B3GALT2: variants seen among roughly 807,000 people sequenced by gnomAD.
B3GALT2 encodes the protein beta-1,3-galactosyltransferase 2.
A neutral mutation model predicts 33.5 loss-of-function variants in B3GALT2; 13 were observed. The observed-to-expected ratio is 0.39, with a 90% CI of 0.25 to 0.62. The LOEUF (loss-of-function observed/expected upper bound fraction) is 0.62, where lower values mean the gene tolerates loss of function less well. B3GALT2 is among the 20% of genes least tolerant of loss of function. The pLI is 0.53. For synonymous variants in B3GALT2, 195 were observed against 172.7 expected, an observed-to-expected ratio of 1.13 and a Z score of -1.01; for missense variants, 418 against 509.1, an observed-to-expected ratio of 0.82 and a Z score of 1.72.
intron 1 of B3GALT2, among the ~76,000 whole-genome samples, chr1:193,183,172 A>G (rs767823125): frequency 6.6e-6 from 1 of 151,714 alleles, no homozygotes; most frequent in Non-Finnish European, 1.5e-5. Context: ...GAAAATATTG[A>G]TTGAAAGTGT....
At chr1:193,182,943 T>TA (rs1252951209) in intron 1 of B3GALT2, among the ~76,000 whole-genome samples, 2 of 152,040 alleles carry the variant, frequency 1.3e-5, no homozygotes, top group Non-Finnish European at 2.9e-5. Context: ...AGAAATCAAT[T>TA]AAAAAGTTTT....
At chr1:193,183,899 A>G (rs537786361) in intron 1 of B3GALT2, among the ~76,000 whole-genome samples, 3 of 147,818 alleles carry the variant, frequency 2.0e-5, no homozygotes, top group East Asian at 1.9e-4. Context: ...GGAGTAAACA[A>G]TAAGGTCAGA....
chr1:193,183,322 T>C (rs1025066812), intron 1 of B3GALT2, among the ~76,000 whole-genome samples: 2 of 141,154 alleles, frequency 1.4e-5, no homozygotes, highest in Non-Finnish European at 3.1e-5. Flanking sequence ...TACAGAGTAC[T>C]TTTAGAAGTT....
rs1005250460 is a variant in B3GALT2 at position 193,179,344 on chromosome 1, G to A, written c.*950C>T. 2 of 152,316 alleles carry A rather than the reference G, an allele frequency of 1.3e-5. No individual in the cohort carries two copies. The highest frequency in any genetic ancestry group is 2.9e-5 in the Non-Finnish European group (2 of 68,038). 9.4% of individuals were successfully genotyped at this position (152,316 alleles called of 1,614,324 possible). A position where few individuals can be genotyped will look rare whatever the true frequency, so the allele number is the denominator to read the frequency against. ...TTTGGCAGACATGCATCTTAAAAAT[G>A]TGTTGAATGAAACTGCACCTGCACT... is the stretch of plus-strand genomic sequence containing the variant. On this transcript the variant is annotated 3_prime_UTR_variant, in exon 2 of 2. Transcript: ENST00000367434.
At position 193,180,447 on chromosome 1, in the gene B3GALT2, C is replaced by T. The variant is rs896980217; in HGVS notation, c.1116G>A (p.Ser372=). ...TAATTAGGTGGCTGTATTTACAGCT[C>T]GAATAAGAGACTCGCCAGTGATTGA... is the stretch of plus-strand genomic sequence containing the variant. ...FVFNHWRVSY[S]SCKYSHLITS... The change falls in exon 2 of 2, where the codon TCG becomes TCA. Residue 372 remains serine, a synonymous_variant. Transcript: ENST00000367434. The T allele has an allele frequency of 1.5e-5, 25 of 1,613,734 alleles. No homozygotes were observed. The highest frequency in any genetic ancestry group is 1.6e-4 in the Middle Eastern group (1 of 6,084).
At chr1:193,182,384 CTT>C (rs1405868579) in intron 1 of B3GALT2, among the ~76,000 whole-genome samples, 1 of 152,028 alleles carries the variant, frequency 6.6e-6, no homozygotes, top group Non-Finnish European at 1.5e-5. Flanking sequence ...TGTTCTTAGA[CTT>C]AAGATTAATT....
chr1:193,181,709 C>G (rs1357602734), intron 1 of B3GALT2, 27 bp from the exon 2 acceptor site: 1 of 742,424 alleles, frequency 1.3e-6, no homozygotes, highest in Non-Finnish European at 2.1e-6. Context: ...CAAAAGTTTA[C>G]AGAACTGCCT....
rs889422830 is a variant in B3GALT2, at chr1:193,179,565, C to T, written c.*729G>A. 4 of 152,672 alleles carry T rather than the reference C, an allele frequency of 2.6e-5. No homozygotes were observed. Among genetic ancestry groups the T allele is most frequent in the African/African-American group, 9.6e-5 (4 of 41,552 alleles). The allele number at this position is 152,672 out of a possible 1,614,324, so 9.5% of individuals were successfully genotyped here. A position where few individuals can be genotyped will look rare whatever the true frequency, so the allele number is the denominator to read the frequency against. On this transcript the variant is annotated 3_prime_UTR_variant, in exon 2 of 2. Coordinates refer to ENST00000367434, the MANE Select transcript of B3GALT2 (RefSeq NM_003783.3). ...TCTTAACATCAATGAGGAAACAAAA[C>T]TTGTCTATTTTGAAACATTTAATAA...
chr1:193,186,050 A>T lies in B3GALT2; in HGVS notation c.-152T>A, dbSNP rs1354370828. The T allele has an allele frequency of 1.3e-5, 2 of 152,538 alleles. No homozygotes were observed. Among genetic ancestry groups the T allele is most frequent in the African/African-American group, 4.8e-5 (2 of 41,426 alleles). The allele number at this position is 152,538 out of a possible 1,614,324, so 9.4% of individuals were successfully genotyped here. ...TGGTCAGGCCATTTATGTGAAGAGG[A>T]TTATGCCCACTGAAAATACTTTTGG... On this transcript the variant is annotated 5_prime_UTR_variant, in exon 1 of 2. Transcript: ENST00000367434.
chr1:193,185,537 T>A (rs1163866645), intron 1 of B3GALT2, among the ~76,000 whole-genome samples: 2 of 152,158 alleles, frequency 1.3e-5, no homozygotes, highest in Non-Finnish European at 2.9e-5. Context: ...CTGTTACATA[T>A]TAAGGTTTTG....
intron 1 of B3GALT2, among the ~76,000 whole-genome samples, chr1:193,185,285 A>G (rs1245442244): frequency 2.0e-5 from 3 of 152,084 alleles, no homozygotes; most frequent in Non-Finnish European, 4.4e-5. Flanking sequence ...TAAAATAGTT[A>G]ATTTTTAAAG....
At position 193,181,425 on chromosome 1, in the gene B3GALT2, A is replaced by G; in HGVS notation, c.138T>C (p.His46=). The change falls in exon 2 of 2, where the codon CAT becomes CAC. Residue 46 remains histidine (H), a synonymous_variant. Coordinates refer to ENST00000367434, the MANE Select transcript of B3GALT2 (RefSeq NM_003783.3). ...ATCCAGCTCTGCCTGGCAGCCAGTC[A>G]TGATGATTGAAAAACAAAAACATAG... The part of the protein sequence containing the change: ...LFAMFLFFNH[H]DWLPGRAGFK... The G allele has an allele frequency of 1.9e-6, 3 of 1,614,108 alleles. No individual in the cohort carries two copies. Among genetic ancestry groups the G allele is most frequent in the Admixed American group, 1.7e-5 (1 of 60,008 alleles).
In B3GALT2 at chr1:193,180,392, T is replaced by G; in HGVS notation, c.1171A>C (p.Ile391Leu). The change falls in exon 2 of 2, where the codon ATA becomes CTA. Residue 391 changes from isoleucine to leucine, a missense_variant. By Grantham distance (5) the Ile-to-Leu change is conservative. This residue lies in a region of B3GALT2 where 226 missense variants were observed against 293.9 expected (regional missense o/e 0.77). Transcript: ENST00000367434. Reference protein sequence around the residue: ...TSHQFQPSELIKYWNHLQQNK... With the variant: ...TSHQFQPSELLKYWNHLQQNK... ...TGTTGTAAATGGTTCCAGTATTTTA[T>G]CAGTTCACTAGGCTGGAACTGATGA... The G allele has an allele frequency of 1.2e-6, 2 of 1,613,874 alleles. No homozygotes were observed. Among genetic ancestry groups the G allele is most frequent in the Non-Finnish European group, 1.7e-6 (2 of 1,179,806 alleles).
chr1:193,185,162 G>T (rs868687022), intron 1 of B3GALT2, among the ~76,000 whole-genome samples: 1 of 151,872 alleles, frequency 6.6e-6, no homozygotes, highest in South Asian at 2.1e-4. Flanking sequence ...GGATATTTTT[G>T]TATCAAAGTA....
At chr1:193,184,802 G>A (rs1411318795) in intron 1 of B3GALT2, among the ~76,000 whole-genome samples, 1 of 151,904 alleles carries the variant, frequency 6.6e-6, no homozygotes, top group Non-Finnish European at 1.5e-5. Context: ...TGAGAGTGAT[G>A]TTGAGGTGTA....
Position 193,180,204 on chromosome 1 carries a change from T to G in B3GALT2, c.*90A>C. The G allele has an allele frequency of 8.3e-7, 1 of 1,204,512 alleles. No homozygotes were observed. 74.6% of individuals were successfully genotyped at this position (1,204,512 alleles called of 1,614,324 possible). On this transcript the variant is annotated 3_prime_UTR_variant, in exon 2 of 2. Transcript: ENST00000367434. ...ATTTCTTTATGTGATGAGTTTTAAC[T>G]AAAACTTGTCCTACGGATGTAATCA...
rs938870943 is a variant in B3GALT2, at chr1:193,178,747, A to G, written c.*1547T>C. On this transcript the variant is annotated 3_prime_UTR_variant, in exon 2 of 2. Coordinates refer to ENST00000367434, the MANE Select transcript of B3GALT2 (RefSeq NM_003783.3). ...ATCAGCTCTCAGAATCACTTGATTT[A>G]GAGTAGAACACTTAGGCTACTGATT... 3.3e-5 allele frequency among the ~76,000 whole-genome samples: 5 copies of G among 152,216 alleles called. No individual in the cohort carries two copies. The highest frequency in any genetic ancestry group is 7.3e-5 in the Non-Finnish European group (5 of 68,034).
chr1:193,184,581 T>G (rs1676773570), intron 1 of B3GALT2, among the ~76,000 whole-genome samples: 1 of 151,942 alleles, frequency 6.6e-6, no homozygotes. Context: ...TTTTATCATT[T>G]GGCTTTTAAA....
intron 1 of B3GALT2, among the ~76,000 whole-genome samples, chr1:193,185,309 C>T (rs189406774): frequency 6.6e-6 from 1 of 152,076 alleles, no homozygotes; most frequent in African/African-American, 2.4e-5. Context: ...CTATTGATGT[C>T]CCTTTGTTTA....
Sources: allele counts gnomAD v4.1 joint callset (sites outside exome capture counted in the v4.1 genomes callset), GRCh38; gene constraint gnomAD v4.1.1; regional missense constraint gnomAD v4.1.1; transcripts MANE v1.5; gene names NCBI Gene and HGNC (gene_info 2026-07-23, HGNC 2026-07-21).